Variants in GBF1 observed in about 807,000 individuals in gnomAD.
The protein encoded by GBF1 is Golgi-specific brefeldin A-resistance guanine nucleotide exchange factor 1.
Under a neutral mutation model 210.5 loss-of-function variants are expected in GBF1, and 114 were observed. The observed-to-expected ratio is 0.54, with a 90% CI of 0.47 to 0.63. GBF1 has a LOEUF of 0.63. Ranked by LOEUF, GBF1 falls within the 30% of genes least tolerant of loss-of-function variation. GBF1 has a pLI of 0.00. For missense variants in GBF1, 1,851 were observed against 2,357.7 expected, an observed-to-expected ratio of 0.79 and a Z score of 4.45; for synonymous variants, 850 against 889.2, an observed-to-expected ratio of 0.96 and a Z score of 0.78.
intron 3 of GBF1, among the ~76,000 whole-genome samples, chr10:102,271,186 C>T (rs533778093): frequency 5.3e-5 from 8 of 151,892 alleles, no homozygotes; most frequent in South Asian, 2.1e-4. Context: ...TACAGGCGCC[C>T]GCCACTGCGC....
At chr10:102,242,510 G>A (rs2070562593), upstream of GBF1, among the ~76,000 whole-genome samples, 1 of 152,192 alleles carries the variant, frequency 6.6e-6, no homozygotes, top group Non-Finnish European at 1.5e-5. Flanking sequence ...CAAGGGACAG[G>A]ACAGATGACC....
chr10:102,347,842 C>T (rs551618557), intron 4 of GBF1, among the ~76,000 whole-genome samples: 5 of 152,292 alleles, frequency 3.3e-5, no homozygotes, highest in African/African-American at 1.2e-4. Flanking sequence ...AGCTGCCAGA[C>T]CAGAATTTTT....
chr10:102,281,211 A>G (rs1376374366), intron 3 of GBF1, among the ~76,000 whole-genome samples: 3 of 152,172 alleles, frequency 2.0e-5, no homozygotes, highest in African/African-American at 4.8e-5. Context: ...CTTTTAGTGA[A>G]ATAGACGGGT....
chr10:102,272,114 T>G (rs2074493284), intron 3 of GBF1, among the ~76,000 whole-genome samples: 1 of 145,440 alleles, frequency 6.9e-6, no homozygotes, highest in Admixed American at 6.8e-5. Context: ...AATTGTTGAT[T>G]TTTTTTTTTT....
At chr10:102,364,253 C>G (rs1266498184) in intron 17 of GBF1, among the ~76,000 whole-genome samples, 1 of 105,094 alleles carries the variant, frequency 9.5e-6, no homozygotes, top group Admixed American at 1.5e-4. Context: ...CAGACGGAGT[C>G]TCTCTCTGTT....
intron 3 of GBF1, among the ~76,000 whole-genome samples, chr10:102,316,907 G>A (rs1177800360): frequency 6.6e-6 from 1 of 152,106 alleles, no homozygotes; most frequent in Non-Finnish European, 1.5e-5. Context: ...GGCCAGTATT[G>A]TTTCAGTAAT....
chr10:102,361,543 A>G (rs954062712), intron 13 of GBF1, among the ~76,000 whole-genome samples, 175 bp from the exon 14 acceptor site: 2 of 152,242 alleles, frequency 1.3e-5, no homozygotes, highest in African/African-American at 4.8e-5. Flanking sequence ...TTATCCCCCA[A>G]CATGGAGGCC....
chr10:102,270,454 C>T (rs1474649697), intron 3 of GBF1, among the ~76,000 whole-genome samples: 1 of 152,126 alleles, frequency 6.6e-6, no homozygotes, highest in Non-Finnish European at 1.5e-5. Flanking sequence ...GGACTGCTCT[C>T]CAGTTTTTTA....
chr10:102,312,142 T>A (rs2078496724), intron 3 of GBF1, among the ~76,000 whole-genome samples: 2 of 151,944 alleles, frequency 1.3e-5, no homozygotes, highest in African/African-American at 2.4e-5. Context: ...AAATACAAAA[T>A]TAGCTGGGCG....
At chr10:102,231,615 C>A in the GBF1 span, 6 of 1,609,508 alleles carry the variant, frequency 3.7e-6, no homozygotes, top group Non-Finnish European at 5.1e-6. Context: ...TGAGGTTGGT[C>A]CACACGGCGA....
intron 3 of GBF1, among the ~76,000 whole-genome samples, chr10:102,323,239 GAA>G (rs775888621): frequency 1.4e-4 from 9 of 65,836 alleles, no homozygotes; most frequent in African/African-American, 2.5e-4. Context: ...CTCCAAAATT[GAA>G]AAAAAAAAAA....
chr10:102,328,228 C>T (rs2057050003), intron 3 of GBF1, among the ~76,000 whole-genome samples: 2 of 152,226 alleles, frequency 1.3e-5, no homozygotes, highest in Non-Finnish European at 2.9e-5. Context: ...CACAGTGGCT[C>T]ATGCCTATAA....
intron 29 of GBF1, among the ~76,000 whole-genome samples, chr10:102,371,955 T>G (rs2060230047): frequency 6.7e-6 from 1 of 149,006 alleles, no homozygotes; most frequent in Non-Finnish European, 1.5e-5. Flanking sequence ...CACTCTGGTA[T>G]TAAGACTTAC....
chr10:102,304,276 G>A (rs1314301858), intron 3 of GBF1, among the ~76,000 whole-genome samples: 4 of 152,098 alleles, frequency 2.6e-5, no homozygotes, highest in Admixed American at 2.6e-4. Flanking sequence ...AGCTAAAGAG[G>A]TCCTCACAGT....
At chr10:102,334,718 T>A (rs2057597468) in intron 3 of GBF1, among the ~76,000 whole-genome samples, 1 of 152,014 alleles carries the variant, frequency 6.6e-6, no homozygotes, top group Non-Finnish European at 1.5e-5. Flanking sequence ...GCGTGGTGGC[T>A]TGCGCCTGTA....
At chr10:102,373,610 G>A (rs1245118142) in intron 29 of GBF1, among the ~76,000 whole-genome samples, 1 of 152,184 alleles carries the variant, frequency 6.6e-6, no homozygotes, top group Non-Finnish European at 1.5e-5. Context: ...TTTTCAGAAT[G>A]GCTGAAATAA....
intron 3 of GBF1, among the ~76,000 whole-genome samples, chr10:102,279,379 T>G (rs1293787226): frequency 6.6e-6 from 1 of 152,210 alleles, no homozygotes; most frequent in Non-Finnish European, 1.5e-5. Flanking sequence ...TTTTTAAAAT[T>G]TACTCCCTCT....
intron 3 of GBF1, among the ~76,000 whole-genome samples, chr10:102,312,307 A>G (rs1322489595): frequency 1.1e-4 from 17 of 152,032 alleles, no homozygotes; most frequent in East Asian, 1.9e-4. Flanking sequence ...AAAAAAAAAA[A>G]AAAGAAAGAA....
chr10:102,276,657 G>A (rs1280633342), intron 3 of GBF1, among the ~76,000 whole-genome samples: 1 of 152,108 alleles, frequency 6.6e-6, no homozygotes, highest in Non-Finnish European at 1.5e-5. Context: ...AGTAATCCTG[G>A]GTAGGCCGTA....
Sources: gnomAD v4.1 joint callset for allele counts (sites outside exome capture counted in the v4.1 genomes callset) on GRCh38, gnomAD v4.1.1 for gene constraint, MANE v1.5 for transcripts, NCBI Gene and HGNC (gene_info 2026-07-23, HGNC 2026-07-21) for gene names.